The following NRXN1 variants were observed in gnomAD, a reference collection of about 807,000 sequenced individuals.
NRXN1 encodes the protein neurexin 1.
Under a neutral mutation model 150.9 loss-of-function variants are expected in NRXN1, and 39 were observed. That is an observed-to-expected ratio of 0.26 (90% CI 0.20 to 0.34). The LOEUF (loss-of-function observed/expected upper bound fraction) is 0.34, where lower values mean the gene tolerates loss of function less well. Among genes scored for constraint, NRXN1 ranks in the 10% least tolerant of loss-of-function variants. NRXN1 has a pLI of 1.00. For missense variants in NRXN1, 1,815 were observed against 1,949.9 expected, an observed-to-expected ratio of 0.93 and a Z score of 1.30; for synonymous variants, 924 against 757.0, an observed-to-expected ratio of 1.22 and a Z score of -3.62.
intron 17 of NRXN1, among the ~76,000 whole-genome samples, chr2:50,321,889 A>G (rs148137910): frequency 7.9e-4 from 121 of 152,274 alleles, no homozygotes; most frequent in Non-Finnish European, 1.4e-3. Context: ...TAAATGATCT[A>G]GAAACATTAT....
At chr2:50,159,850 C>G (rs1048203170) in intron 18 of NRXN1, among the ~76,000 whole-genome samples, 16 of 151,882 alleles carry the variant, frequency 1.1e-4, no homozygotes, top group African/African-American at 3.9e-4. Flanking sequence ...GGAGACAATT[C>G]CAAAAATATT....
At chr2:50,582,503 A>C (rs1318971554) in intron 8 of NRXN1, among the ~76,000 whole-genome samples, 1 of 149,846 alleles carries the variant, frequency 6.7e-6, no homozygotes, top group Non-Finnish European at 1.5e-5. Flanking sequence ...AAAAAAAAAA[A>C]ATTATTTACC....
intron 2 of NRXN1, among the ~76,000 whole-genome samples, chr2:51,014,441 G>A (rs1373512560): frequency 6.6e-6 from 1 of 151,986 alleles, no homozygotes; most frequent in Non-Finnish European, 1.5e-5. Context: ...GCAGAGAAAG[G>A]ATATTCATTA....
chr2:49,943,661 A>T, intron 22 of NRXN1, 43 bp downstream of exon 22: 1 of 1,342,788 alleles, frequency 7.4e-7, no homozygotes. Flanking sequence ...TGCAACAAAG[A>T]TTTACAGTAA....
intron 17 of NRXN1, among the ~76,000 whole-genome samples, chr2:50,295,086 A>G (rs775712021): frequency 6.6e-5 from 10 of 152,178 alleles, no homozygotes; most frequent in Non-Finnish European, 1.3e-4. Context: ...CATATTTCCT[A>G]TGTTCCATTT....
At chr2:50,537,979 A>C (rs1044146625) in intron 10 of NRXN1, among the ~76,000 whole-genome samples, 2 of 152,218 alleles carry the variant, frequency 1.3e-5, no homozygotes, top group Admixed American at 1.3e-4. Context: ...GTTACTGTCT[A>C]TAATACATCT....
chr2:50,321,955 A>C (rs1332766636), intron 17 of NRXN1, among the ~76,000 whole-genome samples: 3 of 151,548 alleles, frequency 2.0e-5, no homozygotes, highest in Non-Finnish European at 4.4e-5. Context: ...TTTGTAGATG[A>C]GAATTAGCTG....
intron 5 of NRXN1, among the ~76,000 whole-genome samples, chr2:50,717,580 CAATTT>C (rs1208907634): frequency 6.6e-6 from 1 of 152,168 alleles, no homozygotes; most frequent in Non-Finnish European, 1.5e-5. Flanking sequence ...AATACGAACT[CAATTT>C]AATATGAAAT....
intron 6 of NRXN1, among the ~76,000 whole-genome samples, chr2:50,621,712 G>C (rs964520872): frequency 1.3e-5 from 2 of 152,090 alleles, no homozygotes; most frequent in Admixed American, 6.6e-5. Flanking sequence ...GAATCAGTTG[G>C]CATTGCCCTA....
At chr2:50,156,016 G>A (rs945371185) in intron 18 of NRXN1, among the ~76,000 whole-genome samples, 1 of 151,540 alleles carries the variant, frequency 6.6e-6, no homozygotes, top group Non-Finnish European at 1.5e-5. Context: ...AATACATCTA[G>A]AATTATATAT....
chr2:50,959,960 A>T (rs1692879968), intron 2 of NRXN1, among the ~76,000 whole-genome samples: 1 of 152,074 alleles, frequency 6.6e-6, no homozygotes, highest in African/African-American at 2.4e-5. Context: ...AATTACTTAT[A>T]GTCCTGGACT....
chr2:50,078,600 T>A (rs1202319116), intron 19 of NRXN1, among the ~76,000 whole-genome samples: 6 of 152,128 alleles, frequency 3.9e-5, no homozygotes, highest in African/African-American at 1.2e-4. Flanking sequence ...AACTGCCATG[T>A]TTCCTTTGTC....
chr2:50,715,349 T>C (rs911171239), intron 5 of NRXN1, among the ~76,000 whole-genome samples: 2 of 152,154 alleles, frequency 1.3e-5, no homozygotes, highest in East Asian at 1.9e-4. Flanking sequence ...TTGTGTGACA[T>C]TGGGGAACCT....
chr2:50,440,259 C>T (rs1278596605), intron 17 of NRXN1, among the ~76,000 whole-genome samples: 1 of 152,088 alleles, frequency 6.6e-6, no homozygotes, highest in Non-Finnish European at 1.5e-5. Context: ...AGTCTGGTTC[C>T]AGATGACATA....
chr2:50,684,234 T>C (rs573485656), intron 5 of NRXN1, among the ~76,000 whole-genome samples: 1 of 152,316 alleles, frequency 6.6e-6, no homozygotes, highest in South Asian at 2.1e-4. Context: ...AGGTGGCTCA[T>C]GCCTGTAATC....
intron 5 of NRXN1, among the ~76,000 whole-genome samples, chr2:50,634,732 T>C (rs1682974833): frequency 6.6e-6 from 1 of 152,150 alleles, no homozygotes. Context: ...TCTAGGTGTC[T>C]TACCATCACC....
intron 5 of NRXN1, among the ~76,000 whole-genome samples, chr2:50,667,319 T>C (rs892358811): frequency 7.2e-5 from 11 of 151,954 alleles, no homozygotes; most frequent in Non-Finnish European, 1.5e-4. Context: ...AGAGGGCTTC[T>C]TCTATTAACA....
At chr2:50,930,509 A>G (rs1021915292) in intron 2 of NRXN1, among the ~76,000 whole-genome samples, 2 of 152,162 alleles carry the variant, frequency 1.3e-5, no homozygotes, top group Non-Finnish European at 1.5e-5. Context: ...ATATTATAAT[A>G]TAAATCGAAT....
At chr2:50,376,367 G>GA (rs775121470) in intron 17 of NRXN1, among the ~76,000 whole-genome samples, 4,711 of 103,590 alleles carry the variant, frequency 0.045, 192 homozygotes, top group African/African-American at 0.14. Context: ...GAAGCAAAAT[G>GA]AAAAAAAAAA....
Sources: gnomAD v4.1 joint callset for allele counts (sites outside exome capture counted in the v4.1 genomes callset) on GRCh38, gnomAD v4.1.1 for gene constraint, MANE v1.5 for transcripts, NCBI Gene and HGNC (gene_info 2026-07-23, HGNC 2026-07-21) for gene names.